Variants in DCC observed in about 807,000 individuals in gnomAD.
DCC encodes the protein netrin receptor DCC.
A neutral mutation model predicts 172.5 loss-of-function variants in DCC; 58 were observed. The observed-to-expected ratio is 0.34, with a 90% CI of 0.27 to 0.42. The LOEUF (loss-of-function observed/expected upper bound fraction) is 0.42. DCC is among the 10% of genes least tolerant of loss of function. The probability of loss-of-function intolerance (pLI) is 1.00; values close to 1 mark genes in which losing one functional copy is unlikely to be tolerated. For missense variants in DCC, 1,740 were observed against 1,791.0 expected, an observed-to-expected ratio of 0.97 and a Z score of 0.51; for synonymous variants, 709 against 644.5, an observed-to-expected ratio of 1.10 and a Z score of -1.52.
chr18:52,552,825 T>C (rs2032812412), intron 1 of DCC, among the ~76,000 whole-genome samples: 1 of 150,034 alleles, frequency 6.7e-6, no homozygotes, highest in African/African-American at 2.5e-5. Flanking sequence ...AAGAAATAAA[T>C]GGGCTAAAGG....
chr18:52,995,373 C>G (rs1340608160), intron 5 of DCC, among the ~76,000 whole-genome samples: 2 of 152,140 alleles, frequency 1.3e-5, no homozygotes, highest in African/African-American at 4.8e-5. Context: ...TACTTACTAG[C>G]AGCCCCATAA....
chr18:53,522,003 G>A (rs1366770841), intron 27 of DCC, among the ~76,000 whole-genome samples: 1 of 152,044 alleles, frequency 6.6e-6, no homozygotes, highest in Non-Finnish European at 1.5e-5. Flanking sequence ...AACATTGCAA[G>A]CATTCTTGAA....
chr18:52,655,299 T>C (rs541023511), intron 1 of DCC, among the ~76,000 whole-genome samples: 39 of 152,152 alleles, frequency 2.6e-4, no homozygotes, highest in Non-Finnish European at 5.1e-4. Flanking sequence ...TCAGGCAGTC[T>C]TAAGAGAAGG....
intron 2 of DCC, among the ~76,000 whole-genome samples, chr18:52,885,738 T>TCATAGC (rs1389286684): frequency 5.3e-5 from 8 of 152,050 alleles, no homozygotes; most frequent in Non-Finnish European, 1.5e-5. Flanking sequence ...GAGTCTTTCA[T>TCATAGC]CATAGCCACC....
intron 7 of DCC, among the ~76,000 whole-genome samples, chr18:53,081,440 A>T (rs1335389035): frequency 6.6e-6 from 1 of 152,070 alleles, no homozygotes; most frequent in Non-Finnish European, 1.5e-5. Context: ...ATGATTTAGA[A>T]TCTCTAGATA....
In DCC at chr18:52,757,258, C is replaced by G. The variant is rs945588945; in HGVS notation, c.412+4884C>G. The G allele has an allele frequency of 7.9e-5, 12 of 152,276 alleles. No homozygotes were observed. The East Asian group carries it at 1.9e-3, about 24-fold the overall frequency. 9.4% of individuals were successfully genotyped at this position (152,276 alleles called of 1,614,324 possible). On this transcript the variant is annotated intron_variant, in intron 2 of 28. Coordinates refer to ENST00000442544, the MANE Select transcript of DCC (RefSeq NM_005215.4). ...ATTTCCAAAACATGTACAGGGCACT[C>G]CTCTCAGCCTTCTTAATGGCTTTTC...
intron 25 of DCC, among the ~76,000 whole-genome samples, chr18:53,480,641 T>C (rs890111839): frequency 3.9e-5 from 6 of 152,066 alleles, no homozygotes; most frequent in African/African-American, 1.4e-4. Context: ...ATGCCCAACA[T>C]TTATGGGGTG....
intron 14 of DCC, among the ~76,000 whole-genome samples, chr18:53,324,139 A>G (rs986956058): frequency 6.6e-6 from 1 of 152,182 alleles, no homozygotes; most frequent in Non-Finnish European, 1.5e-5. Context: ...AAACCCAGGC[A>G]ATGACTTTAA....
At chr18:52,748,081 T>G (rs2036936128) in intron 1 of DCC, among the ~76,000 whole-genome samples, 1 of 152,086 alleles carries the variant, frequency 6.6e-6, no homozygotes, top group Non-Finnish European at 1.5e-5. Flanking sequence ...GTGCCAGGCA[T>G]GGAGCGGTGA....
intron 2 of DCC, among the ~76,000 whole-genome samples, chr18:52,798,523 A>G (rs1308187538): frequency 2.0e-5 from 3 of 151,760 alleles, no homozygotes; most frequent in Non-Finnish European, 2.9e-5. Context: ...GGAACTTTCT[A>G]ATACAATTAG....
chr18:53,133,801 A>T (rs967606090), intron 7 of DCC, among the ~76,000 whole-genome samples: 10 of 152,178 alleles, frequency 6.6e-5, no homozygotes, highest in African/African-American at 2.4e-4. Context: ...AGAAGTCCAG[A>T]TAAAAGTCAA....
At chr18:53,408,133 C>A (rs1909780056) in intron 19 of DCC, among the ~76,000 whole-genome samples, 1 of 152,144 alleles carries the variant, frequency 6.6e-6, no homozygotes, top group Non-Finnish European at 1.5e-5. Flanking sequence ...TTGTTGATCA[C>A]AGTAATCATT....
At chr18:52,711,785 A>G (rs763075506) in intron 1 of DCC, among the ~76,000 whole-genome samples, 9 of 152,168 alleles carry the variant, frequency 5.9e-5, no homozygotes, top group Non-Finnish European at 5.9e-5. Context: ...TGGTAATAGC[A>G]TGGCATGTGT....
At chr18:53,409,162 A>AG (rs1267428547) in intron 19 of DCC, among the ~76,000 whole-genome samples, 1 of 152,172 alleles carries the variant, frequency 6.6e-6, no homozygotes, top group East Asian at 1.9e-4. Flanking sequence ...ATAAGCGGGA[A>AG]GGAAGAAGAA....
At chr18:53,511,361 C>CT (rs2144532593) in intron 27 of DCC, among the ~76,000 whole-genome samples, 1 of 152,316 alleles carries the variant, frequency 6.6e-6, no homozygotes, top group South Asian at 2.1e-4. Flanking sequence ...CTGAAACAGA[C>CT]AGTAGAGAGG....
intron 15 of DCC, among the ~76,000 whole-genome samples, chr18:53,380,495 T>A (rs751184333): frequency 9.8e-5 from 15 of 152,288 alleles, no homozygotes; most frequent in South Asian, 2.1e-4. Flanking sequence ...GGATCAAACT[T>A]TATCAGGACC....
At chr18:52,563,768 A>G (rs1180061290) in intron 1 of DCC, among the ~76,000 whole-genome samples, 1 of 152,126 alleles carries the variant, frequency 6.6e-6, no homozygotes, top group East Asian at 1.9e-4. Flanking sequence ...TCGGAACTGC[A>G]TTGTATTAGC....
intron 1 of DCC, among the ~76,000 whole-genome samples, chr18:52,426,460 T>C (rs191848636): frequency 5.8e-4 from 88 of 151,986 alleles, no homozygotes; most frequent in African/African-American, 1.6e-3. Flanking sequence ...TCTAGAAAAC[T>C]GTGTGATGAC....
At chr18:53,166,433 G>T (rs1008452152) in intron 8 of DCC, among the ~76,000 whole-genome samples, 1 of 152,120 alleles carries the variant, frequency 6.6e-6, no homozygotes, top group African/African-American at 2.4e-5. Context: ...GCTCGCTACA[G>T]CTAGAGAAGG....
Sources: gnomAD v4.1 joint callset for allele counts (sites outside exome capture counted in the v4.1 genomes callset) on GRCh38, gnomAD v4.1.1 for gene constraint, MANE v1.5 for transcripts, NCBI Gene and HGNC (gene_info 2026-07-23, HGNC 2026-07-21) for gene names.